The following RABEP2 variants were observed in gnomAD, a reference collection of about 807,000 sequenced individuals.
RABEP2 encodes rab GTPase-binding effector protein 2.
A neutral mutation model predicts 74.1 loss-of-function variants in RABEP2; 57 were observed. The observed-to-expected ratio is 0.77, with a 90% CI of 0.62 to 0.96. The LOEUF is 0.96. Among genes scored for constraint, RABEP2 ranks in the 40% least tolerant of loss-of-function variants. The pLI is 0.00. For synonymous variants in RABEP2, 351 were observed against 344.0 expected, an observed-to-expected ratio of 1.02 and a Z score of -0.23; for missense variants, 692 against 756.3, an observed-to-expected ratio of 0.91 and a Z score of 1.00.
chr16:28,919,101 G>A (rs760319735), intron 3 of RABEP2, among the ~76,000 whole-genome samples: 1 of 152,240 alleles, frequency 6.6e-6, no homozygotes, highest in African/African-American at 2.4e-5. Flanking sequence ...TCCCTTACAG[G>A]GAATGGACTG....
intron 7 of RABEP2, 101 bp from the exon 8 acceptor site, chr16:28,908,865 G>C: frequency 8.0e-7 from 1 of 1,248,862 alleles, no homozygotes; most frequent in Admixed American, 2.2e-5. Flanking sequence ...CTGACAGCAA[G>C]AGAGCCCATA....
At position 28,911,198 on chromosome 16, in the gene RABEP2, T is replaced by G; in HGVS notation, c.895-19A>C. The stretch of plus-strand genomic sequence containing the variant: ...GTCGGCCCTGCCACAGACCCTGCCT[T>G]CAGCCTGCATCTCCCAGGAACTTGG... On this transcript the variant is annotated intron_variant, in intron 5 of 12. Coordinates refer to ENST00000358201, the MANE Select transcript of RABEP2 (RefSeq NM_024816.3). 1 of 1,603,092 alleles carries G rather than the reference T, an allele frequency of 6.2e-7. No homozygotes were observed. The highest frequency in any genetic ancestry group is 1.3e-5 in the African/African-American group (1 of 74,972).
chr16:28,914,218 C>T lies in RABEP2; in HGVS notation c.894+18G>A, dbSNP rs1964353119. On this transcript the variant is annotated intron_variant, in intron 5 of 12. Coordinates refer to ENST00000358201, the MANE Select transcript of RABEP2 (RefSeq NM_024816.3). ...AGAGGGGGATGGTACACCCCGCCAC[C>T]CTGCCCACAACACTCACCTCTGTCT... 1.9e-6 allele frequency: 3 copies of T among 1,563,668 alleles called. No individual in the cohort carries two copies. Among genetic ancestry groups the T allele is most frequent in the South Asian group, 1.2e-5 (1 of 84,202 alleles).
Position 28,910,992 on chromosome 16 carries a change from T to C in RABEP2, c.991-6A>G, listed in dbSNP as rs1034100248. On this transcript the variant is annotated splice_region_variant and splice_polypyrimidine_tract_variant and intron_variant, in intron 6 of 12. Coordinates refer to ENST00000358201, the MANE Select transcript of RABEP2 (RefSeq NM_024816.3). ...TGGGCCAGGAGCACCTGCATCTGGG[T>C]TGGAGGGAGGGCGAAAGTGAGGGCA... 2 of 1,609,992 alleles carry C rather than the reference T, an allele frequency of 1.2e-6. No homozygotes were observed. The highest frequency in any genetic ancestry group is 1.7e-5 in the Admixed American group (1 of 59,810).
At chr16:28,912,356 T>C (rs1369733291) in intron 5 of RABEP2, among the ~76,000 whole-genome samples, 3 of 150,938 alleles carry the variant, frequency 2.0e-5, no homozygotes, top group Non-Finnish European at 2.9e-5. Context: ...CCTCTCAGCT[T>C]CTCCTGTGTC....
At chr16:28,919,305 G>A (rs1396801229) in intron 3 of RABEP2, among the ~76,000 whole-genome samples, 3 of 152,158 alleles carry the variant, frequency 2.0e-5, no homozygotes, top group Non-Finnish European at 4.4e-5. Flanking sequence ...ACAGGTGTGC[G>A]CCGCAGGCTA....
chr16:28,905,948 C>A (rs1206262431), intron 9 of RABEP2, 70 bp from the exon 10 acceptor site: 38 of 1,612,548 alleles, frequency 2.4e-5, no homozygotes, highest in Non-Finnish European at 3.1e-5. Flanking sequence ...CACGCCTGGG[C>A]CCCGGTGGCT....
intron 7 of RABEP2, among the ~76,000 whole-genome samples, chr16:28,909,071 A>G (rs1347720446): frequency 6.6e-6 from 1 of 151,616 alleles, no homozygotes; most frequent in African/African-American, 2.4e-5. Flanking sequence ...ATAAATTTAA[A>G]TTTTAAAAAA....
rs1251972386 is a variant in RABEP2 at position 28,905,242 on chromosome 16, G to A, written c.1608+155C>T. ...GTGACTGACCAAGGCTCACATGAGA[G>A]TTTCAGGGTTTTTTGAGTAACAGCT... On this transcript the variant is annotated intron_variant, in intron 12 of 12. Transcript: ENST00000358201. Among the ~76,000 whole-genome samples the A allele has an allele frequency of 3.3e-5, 5 of 152,172 alleles. No homozygotes were observed. In the South Asian group the frequency reaches 8.3e-4, roughly 25 times the overall value.
In RABEP2 at chr16:28,910,982, T is replaced by C; in HGVS notation, c.995A>G (p.Gln332Arg). ...GTTCTGGACCTGGGCCAGGAGCACC[T>C]GCATCTGGGTTGGAGGGAGGGCGAA... ...RSNEDCAKQMQVLLAQVQNSE... is the reference protein window; with the variant it reads ...RSNEDCAKQMRVLLAQVQNSE... The change falls in exon 7 of 13, where the codon CAG becomes CGG. Residue 332 changes from glutamine (Q) to arginine (R), a missense_variant. By Grantham distance (43) the Gln-to-Arg change is conservative. Coordinates refer to ENST00000358201, the MANE Select transcript of RABEP2 (RefSeq NM_024816.3). 6.2e-7 allele frequency: 1 copy of C among 1,610,388 alleles called. No individual in the cohort carries two copies. The highest frequency in any genetic ancestry group is 8.5e-7 in the Non-Finnish European group (1 of 1,177,546).
Position 28,919,860 on chromosome 16 carries a change from G to T in RABEP2, c.358C>A (p.Arg120=). ...AGCTGCTTCAGGCGGCCCAGCTCCC[G>T]CTCCTTCTCCTCACAGTCCTGCTGC... ...QQQQDCEEKE[R]ELGRLKQLLS... The change falls in exon 3 of 13, where the codon CGG becomes AGG. Residue 120 remains arginine (R), a synonymous_variant. Coordinates refer to ENST00000358201, the MANE Select transcript of RABEP2 (RefSeq NM_024816.3). The T allele has an allele frequency of 1.2e-6, 2 of 1,611,848 alleles. No individual in the cohort carries two copies. Among genetic ancestry groups the T allele is most frequent in the Non-Finnish European group, 1.7e-6 (2 of 1,179,028 alleles).
At chr16:28,915,034 C>T (rs757068836) in intron 3 of RABEP2, among the ~76,000 whole-genome samples, 15 of 149,176 alleles carry the variant, frequency 1.0e-4, no homozygotes, top group Non-Finnish European at 2.1e-4. Context: ...CCTTCTCCAA[C>T]ATCCATTTTT....
Position 28,904,720 on chromosome 16 carries a change from A to G in RABEP2, c.*223T>C. ...CTGAGCCTGCACCTTTGGTTCCGGGAGGGGCTTGGGCCCCTCACCCAGGTG... is the reference window on the plus strand; with the variant it reads ...CTGAGCCTGCACCTTTGGTTCCGGGGGGGGCTTGGGCCCCTCACCCAGGTG... On this transcript the variant is annotated 3_prime_UTR_variant, in exon 13 of 13. Transcript: ENST00000358201. The G allele has an allele frequency of 1.6e-6, 1 of 641,234 alleles. No individual in the cohort carries two copies. The highest frequency in any genetic ancestry group is 2.6e-6 in the Non-Finnish European group (1 of 383,286). 39.7% of individuals were successfully genotyped at this position (641,234 alleles called of 1,614,324 possible).
At chr16:28,906,626 G>A (rs986412685) in intron 8 of RABEP2, among the ~76,000 whole-genome samples, 13 of 152,108 alleles carry the variant, frequency 8.5e-5, no homozygotes, top group Non-Finnish European at 2.9e-5. Context: ...ATAGCCAGGC[G>A]TGGTGGTGCA....
chr16:28,906,641 T>G lies in RABEP2; in HGVS notation c.1246-445A>C, dbSNP rs542719409. ...ATAGCCAGGCGTGGTGGTGCACGCC[T>G]GTAGTCCCAGCTACTCCGGAGGCTG... On this transcript the variant is annotated intron_variant, in intron 8 of 12. Transcript: ENST00000358201. Among the ~76,000 whole-genome samples, 15 of 152,252 alleles carry G rather than the reference T, an allele frequency of 9.9e-5. No individual in the cohort carries two copies. In the South Asian group the frequency reaches 1.9e-3, roughly 19 times the overall value.
chr16:28,919,855 C>T lies in RABEP2; in HGVS notation c.363G>A (p.Glu121=), dbSNP rs781089492. ...QQQDCEEKER[E]LGRLKQLLSR... ...ACAGCAGCTGCTTCAGGCGGCCCAG[C>T]TCCCGCTCCTTCTCCTCACAGTCCT... The change falls in exon 3 of 13, where the codon GAG becomes GAA. Residue 121 remains glutamate (E), a synonymous_variant. Transcript: ENST00000358201. 6.2e-7 allele frequency: 1 copy of T among 1,612,290 alleles called. No individual in the cohort carries two copies. The highest frequency in any genetic ancestry group is 8.5e-7 in the Non-Finnish European group (1 of 1,179,204).
chr16:28,906,124 C>T lies in RABEP2; in HGVS notation c.1318G>A (p.Glu440Lys), dbSNP rs201706822. The T allele has an allele frequency of 8.9e-6, 14 of 1,577,858 alleles. No homozygotes were observed. Among genetic ancestry groups the T allele is most frequent in the African/African-American group, 8.1e-5 (6 of 74,194 alleles). ...GTCACGATCTCGATCCGCAGGCGCT[C>T]GGCCCCGTGCTCCTGGGCCTGCAGC... is the stretch of plus-strand genomic sequence containing the variant. Reference protein sequence around the residue: ...ARLQAQEHGAERLRIEIVTLR... With the variant: ...ARLQAQEHGAKRLRIEIVTLR... The change falls in exon 9 of 13, where the codon GAG (glutamate) becomes AAG (lysine). Residue 440 changes from glutamate to lysine, a missense_variant. Physicochemically the swap from Glu to Lys is moderately conservative, Grantham distance 56. Coordinates refer to ENST00000358201, the MANE Select transcript of RABEP2 (RefSeq NM_024816.3).
At position 28,919,913 on chromosome 16, in the gene RABEP2, G is replaced by A; in HGVS notation, c.305C>T (p.Thr102Ile). 1 of 1,597,942 alleles carries A rather than the reference G, an allele frequency of 6.3e-7. No homozygotes were observed. The stretch of plus-strand genomic sequence containing the variant: ...CTGCTGTCGCTCCTGCTTCAGGGCG[G>A]TGATCTGGGCTTCATAGCTGCTGAT... The part of the protein sequence containing the change: ...DSISSYEAQI[T>I]ALKQERQQQQ... The change falls in exon 3 of 13, where the codon ACC becomes ATC. Residue 102 changes from threonine to isoleucine, a missense_variant. Physicochemically the swap from Thr to Ile is moderately conservative, Grantham distance 89. Transcript: ENST00000358201.
intron 8 of RABEP2, among the ~76,000 whole-genome samples, chr16:28,907,864 AT>A (rs765962046): frequency 4.6e-5 from 7 of 152,040 alleles, no homozygotes; most frequent in Non-Finnish European, 8.8e-5. Context: ...CAATGGCGCG[AT>A]TTCGGCTCAC....
Sources: allele counts gnomAD v4.1 joint callset (sites outside exome capture counted in the v4.1 genomes callset), GRCh38; gene constraint gnomAD v4.1.1; transcripts MANE v1.5; gene names NCBI Gene and HGNC (gene_info 2026-07-23, HGNC 2026-07-21).